The following ADAMTSL1 variants were observed in gnomAD, a reference collection of about 807,000 sequenced individuals.
ADAMTSL1 encodes ADAMTS-like protein 1.
ADAMTSL1 carries 126 observed loss-of-function variants against 201.8 expected under a neutral mutation model. The observed-to-expected ratio is 0.62, with a 90% CI of 0.54 to 0.72. ADAMTSL1 has a LOEUF of 0.72. Among genes scored for constraint, ADAMTSL1 ranks in the 30% least tolerant of loss-of-function variants. ADAMTSL1 has a pLI of 0.00. For missense variants in ADAMTSL1, 2,679 were observed against 2,277.8 expected, an observed-to-expected ratio of 1.18 and a Z score of -3.59; for synonymous variants, 1,121 against 903.4, an observed-to-expected ratio of 1.24 and a Z score of -4.32.
chr9:18,285,322 T>C (rs1587469235), intron 2 of ADAMTSL1, among the ~76,000 whole-genome samples: 1 of 152,152 alleles, frequency 6.6e-6, no homozygotes. Flanking sequence ...TCTAATTTAA[T>C]TCTTATATGA....
chr9:18,519,675 C>A (rs1818566420), intron 2 of ADAMTSL1, among the ~76,000 whole-genome samples: 1 of 152,186 alleles, frequency 6.6e-6, no homozygotes, highest in Admixed American at 6.5e-5. Context: ...CTAGTATAGA[C>A]TGGATACCCA....
Position 18,225,956 on chromosome 9 carries a change from A to G in ADAMTSL1, c.207+61975A>G, listed in dbSNP as rs902008532. ...TTTTTTTCTGTGTAATTATTTGCCA[A>G]GCCTGGTAGGTGGGTGCTGGTTTCA... On this transcript the variant is annotated intron_variant, in intron 2 of 29. Transcript: ENST00000680146. Among the ~76,000 whole-genome samples the G allele has an allele frequency of 2.6e-5, 4 of 152,156 alleles. No homozygotes were observed. The South Asian group carries it at 8.3e-4, about 32-fold the overall frequency.
intron 1 of ADAMTSL1, among the ~76,000 whole-genome samples, chr9:18,120,637 T>A (rs1379479345): frequency 6.6e-6 from 1 of 152,204 alleles, no homozygotes; most frequent in East Asian, 1.9e-4. Context: ...ATAATATTAT[T>A]TCATGTGTGT....
chr9:18,510,452 TG>T (rs1215628734), intron 2 of ADAMTSL1, among the ~76,000 whole-genome samples: 2 of 152,168 alleles, frequency 1.3e-5, no homozygotes, highest in Non-Finnish European at 2.9e-5. Context: ...TACTTGATAC[TG>T]GAGAAAAAGT....
At chr9:18,388,477 T>C (rs1372147720) in intron 2 of ADAMTSL1, among the ~76,000 whole-genome samples, 1 of 152,170 alleles carries the variant, frequency 6.6e-6, no homozygotes, top group Admixed American at 6.6e-5. Context: ...TCTCACCATG[T>C]TGCCCAGGCT....
At chr9:18,537,995 G>A (rs1210550345) in intron 3 of ADAMTSL1, among the ~76,000 whole-genome samples, 1 of 151,368 alleles carries the variant, frequency 6.6e-6, no homozygotes, top group Admixed American at 6.6e-5. Flanking sequence ...AGAGGAAGAA[G>A]AAGAAGAAGG....
rs569246697 is a variant in ADAMTSL1, at chr9:18,071,971, C to G, written c.88-91891C>G. 2.7e-4 allele frequency among the ~76,000 whole-genome samples: 41 copies of G among 152,272 alleles called. 1 individual carries two copies. The South Asian group carries it at 8.3e-3, about 31-fold the overall frequency. On this transcript the variant is annotated intron_variant, in intron 1 of 29. Transcript: ENST00000680146. ...CTCTGAGTTCTGTTTTAATATAGAA[C>G]AAGCTTAATGGTTCCAAGCTCTTGA...
At chr9:18,005,008 A>G (rs532981875) in intron 1 of ADAMTSL1, among the ~76,000 whole-genome samples, 1 of 152,228 alleles carries the variant, frequency 6.6e-6, no homozygotes, top group Admixed American at 6.5e-5. Context: ...AAGAGAGACA[A>G]AGTTTCTGAC....
Position 18,490,061 on chromosome 9 carries a change from C to T in ADAMTSL1, c.64-14768C>T, listed in dbSNP as rs999539769. Among the ~76,000 whole-genome samples, 4 of 152,198 alleles carry T rather than the reference C, an allele frequency of 2.6e-5. No homozygotes were observed. The South Asian group carries it at 8.3e-4, about 31-fold the overall frequency. On this transcript the variant is annotated intron_variant, in intron 1 of 28. Transcript: ENST00000380548. ...CAGCTGTCTGGAGTCTACTCAAGGA[C>T]CAATTCCTCAGCTGGGATCCAAGGC...
intron 28 of ADAMTSL1, chr9:18,907,194 C>A (rs1563910427): frequency 2.0e-5 from 9 of 447,134 alleles, no homozygotes; most frequent in Admixed American, 8.1e-5. Context: ...GCCTCCAGTT[C>A]CCCTGCAGTC....
intron 2 of ADAMTSL1, among the ~76,000 whole-genome samples, chr9:18,234,182 C>T (rs1362622427): frequency 6.6e-6 from 1 of 152,176 alleles, no homozygotes; most frequent in Non-Finnish European, 1.5e-5. Context: ...TCTGCATGAG[C>T]AGCTGGGTGC....
chr9:18,533,385 C>G (rs1819559645), intron 3 of ADAMTSL1, 93 bp downstream of exon 3: 1 of 1,038,028 alleles, frequency 9.6e-7, no homozygotes, highest in Non-Finnish European at 1.4e-6. Context: ...AATCAACCAA[C>G]TAGTATTTCA....
In ADAMTSL1 at chr9:18,657,705, T is replaced by C. The variant is rs372646636; in HGVS notation, c.901T>C (p.Trp301Arg). The C allele has an allele frequency of 6.2e-7, 1 of 1,614,118 alleles. No individual in the cohort carries two copies. The highest frequency in any genetic ancestry group is 1.3e-5 in the African/African-American group (1 of 74,946). ...CTTCTATCAACCCATCATCCACCGA[T>C]GGAGGGAGACGGATTTCTTTCCTTG... The part of the protein sequence containing the change: ...FIFYQPIIHR[W>R]RETDFFPCSA... Residue 301 changes from tryptophan to arginine, a missense_variant, in exon 8 of 29, where the codon TGG becomes CGG. By Grantham distance (101) the Trp-to-Arg change is moderately radical. Coordinates refer to ENST00000380548, the MANE Select transcript of ADAMTSL1 (RefSeq NM_001040272.6).
At chr9:18,471,419 G>T (rs1821205657), upstream of ADAMTSL1, among the ~76,000 whole-genome samples, 2 of 152,166 alleles carry the variant, frequency 1.3e-5, no homozygotes, top group Non-Finnish European at 2.9e-5. Context: ...TACATAAAAT[G>T]GGGTGATTAC....
intron 2 of ADAMTSL1, among the ~76,000 whole-genome samples, chr9:18,191,216 G>C (rs563145352): frequency 6.6e-6 from 1 of 152,194 alleles, no homozygotes; most frequent in South Asian, 2.1e-4. Context: ...TAGGGGTCAG[G>C]GAAAGAAGAA....
At chr9:18,233,184 T>G (rs143110355) in intron 2 of ADAMTSL1, among the ~76,000 whole-genome samples, 337 of 152,326 alleles carry the variant, frequency 2.2e-3, no homozygotes, top group Non-Finnish European at 3.4e-3. Flanking sequence ...AAAGGAAGGT[T>G]CAGTAATCCA....
chr9:18,286,111 T>TCATTTCTGTGTTG (rs1360981393), intron 2 of ADAMTSL1, among the ~76,000 whole-genome samples: 2 of 152,156 alleles, frequency 1.3e-5, no homozygotes, highest in African/African-American at 4.8e-5. Flanking sequence ...AAGAAAAGCA[T>TCATTTCTGTGTTG]CATTTCTGTG....
At chr9:18,208,657 G>C (rs1829749728) in intron 2 of ADAMTSL1, among the ~76,000 whole-genome samples, 1 of 152,262 alleles carries the variant, frequency 6.6e-6, no homozygotes, top group Admixed American at 6.5e-5. Context: ...AGGCATAGAG[G>C]GGATAAGTGA....
chr9:18,092,210 G>T (rs1421322351), intron 1 of ADAMTSL1, among the ~76,000 whole-genome samples: 1 of 152,006 alleles, frequency 6.6e-6, no homozygotes, highest in Non-Finnish European at 1.5e-5. Context: ...CAAGACAGTT[G>T]GGGAAGACAG....
Sources: allele counts gnomAD v4.1 joint callset (sites outside exome capture counted in the v4.1 genomes callset), GRCh38; gene constraint gnomAD v4.1.1; transcripts MANE v1.5; gene names NCBI Gene and HGNC (gene_info 2026-07-23, HGNC 2026-07-21).